The following MAP4K1 variants were observed in gnomAD, a reference collection of about 807,000 sequenced individuals.
MAP4K1 encodes MAPK/ERK kinase kinase kinase 1.
Under a neutral mutation model 122.8 loss-of-function variants are expected in MAP4K1, and 35 were observed. The observed-to-expected ratio is 0.29, with a 90% confidence interval of 0.22 to 0.38. The LOEUF (loss-of-function observed/expected upper bound fraction) is 0.38. MAP4K1 is among the 10% of genes least tolerant of loss of function. MAP4K1 has a pLI of 1.00. For synonymous variants in MAP4K1, 412 were observed against 421.3 expected, an observed-to-expected ratio of 0.98 and a Z score of 0.27; for missense variants, 791 against 1,072.6, an observed-to-expected ratio of 0.74 and a Z score of 3.67.
intron 4 of MAP4K1, among the ~76,000 whole-genome samples, chr19:38,615,218 G>A (rs985949595): frequency 8.6e-5 from 13 of 151,790 alleles, no homozygotes; most frequent in African/African-American, 3.1e-4. Context: ...AGCAGCAAAG[G>A]GGGTGGGGTG....
chr19:38,603,263 T>C (rs1975204330), intron 19 of MAP4K1, among the ~76,000 whole-genome samples: 1 of 148,870 alleles, frequency 6.7e-6, no homozygotes, highest in Admixed American at 6.7e-5. Flanking sequence ...TATATACGCA[T>C]ATACATATAT....
At chr19:38,588,925 A>G (rs1225351568) in intron 30 of MAP4K1, among the ~76,000 whole-genome samples, 1 of 151,378 alleles carries the variant, frequency 6.6e-6, no homozygotes, top group Non-Finnish European at 1.5e-5. Flanking sequence ...TCTCATAAAT[A>G]AATAAATAAA....
chr19:38,609,807 G>C, intron 12 of MAP4K1, 102 bp downstream of exon 12: 1 of 1,319,992 alleles, frequency 7.6e-7, no homozygotes, highest in Non-Finnish European at 1.1e-6. Context: ...CTCCCTCCCT[G>C]TTTTCCCCCT....
intron 16 of MAP4K1, 91 bp from the exon 17 acceptor site, chr19:38,606,306 G>A: frequency 1.6e-6 from 1 of 639,752 alleles, no homozygotes; most frequent in Non-Finnish European, 2.8e-6. Flanking sequence ...GCCCGGGACT[G>A]GGGTCTGAGG....
chr19:38,602,510 G>A (rs546819551), intron 19 of MAP4K1, among the ~76,000 whole-genome samples: 139 of 138,144 alleles, frequency 1.0e-3, no homozygotes, highest in Non-Finnish European at 1.8e-3. Flanking sequence ...ATATACACGT[G>A]TACATATATA....
intron 10 of MAP4K1, 45 bp downstream of exon 10, chr19:38,611,198 C>T: frequency 1.9e-6 from 3 of 1,603,564 alleles, no homozygotes; most frequent in Non-Finnish European, 2.6e-6. Context: ...CCACCCAGCC[C>T]CAGCCCTGCC....
chr19:38,607,309 G>A (rs1422316874), intron 16 of MAP4K1, among the ~76,000 whole-genome samples: 2 of 151,848 alleles, frequency 1.3e-5, no homozygotes, highest in African/African-American at 2.4e-5. Flanking sequence ...ACCTGTAATC[G>A]CAGCACTTTG....
At chr19:38,588,211 C>T (rs3848621) in intron 30 of MAP4K1, among the ~76,000 whole-genome samples, 186 of 152,230 alleles carry the variant, frequency 1.2e-3, no homozygotes, top group Middle Eastern at 3.4e-3. Flanking sequence ...CTGGAGATGT[C>T]ATGGCCTTGT....
In MAP4K1 at chr19:38,607,810, G is replaced by A. The variant is rs1036393531; in HGVS notation, c.1157+54C>T. 2.0e-5 allele frequency: 32 copies of A among 1,583,448 alleles called. No homozygotes were observed. In the East Asian group the frequency reaches 7.2e-4, roughly 36 times the overall value. ...GGAAAGGCCACATCAGGGGATTGTA[G>A]GAAGGTGGGGGCTGAGGTGGGGCCT... On this transcript the variant is annotated intron_variant, in intron 16 of 30. Coordinates refer to ENST00000396857, the MANE Select transcript of MAP4K1 (RefSeq NM_001042600.3).
chr19:38,614,348 A>G (rs1423646625), intron 5 of MAP4K1, 42 bp downstream of exon 5: 3 of 1,612,748 alleles, frequency 1.9e-6, no homozygotes, highest in East Asian at 2.2e-5. Flanking sequence ...GAGTGGGGCC[A>G]CCCTCCCCTC....
chr19:38,594,469 G>A (rs146650427), intron 29 of MAP4K1, among the ~76,000 whole-genome samples: 1,634 of 152,080 alleles, frequency 0.011, 21 homozygotes, highest in African/African-American at 0.015. Context: ...ACAAAACCCC[G>A]TCTCTACTAA....
intron 11 of MAP4K1, 22 bp from the exon 12 acceptor site, chr19:38,610,047 C>T (rs373730870): frequency 5.7e-5 from 88 of 1,548,906 alleles, no homozygotes; most frequent in African/African-American, 1.4e-4. Flanking sequence ...AAGAGGTGTC[C>T]GTATCCAGAG....
chr19:38,595,848 A>G (rs944645430), intron 27 of MAP4K1, 91 bp downstream of exon 27: 2 of 1,510,558 alleles, frequency 1.3e-6, no homozygotes, highest in Non-Finnish European at 1.8e-6. Context: ...AGAGGGGCTC[A>G]GGGGGTTCTG....
chr19:38,591,041 G>A (rs1439463174), intron 30 of MAP4K1, among the ~76,000 whole-genome samples: 1 of 151,278 alleles, frequency 6.6e-6, no homozygotes, highest in African/African-American at 2.4e-5. Flanking sequence ...AGAAAGAGAA[G>A]AGGCCGGGCA....
In MAP4K1 at chr19:38,609,650, TCCG is replaced by T; in HGVS notation, c.949_951del (p.Arg317del). 4.3e-6 allele frequency: 7 copies of T among 1,613,532 alleles called. No homozygotes were observed. The highest frequency in any genetic ancestry group is 5.9e-6 in the Non-Finnish European group (7 of 1,179,776). On this transcript the variant is annotated inframe_deletion, in exon 13 of 31. Coordinates refer to ENST00000396857, the MANE Select transcript of MAP4K1 (RefSeq NM_001042600.3). ...GAGCTGGAGCGGTGGGTGGATCTGATCCGCCGAGGGATAGCAGGGGGTAGCTGG... is the reference window on the plus strand; with the variant it reads ...GAGCTGGAGCGGTGGGTGGATCTGATCCGAGGGATAGCAGGGGGTAGCTGG...
In MAP4K1 at chr19:38,617,281, T is replaced by G; in HGVS notation, c.248+73A>C. On this transcript the variant is annotated intron_variant, in intron 3 of 30. Transcript: ENST00000396857. This position sits in a 1 kb window ranked among gnomAD's most constrained non-coding sequence, Gnocchi z 4.1. The stretch of plus-strand genomic sequence containing the variant: ...GAAAAGAAAAAAAAAGAACTGAGGG[T>G]ACCCCCATCAAGAAATGGGGACTCC... 4 of 954,074 alleles carry G rather than the reference T, an allele frequency of 4.2e-6. No homozygotes were observed. Among genetic ancestry groups the G allele is most frequent in the Non-Finnish European group, 6.9e-6 (4 of 581,182 alleles). The allele number at this position is 954,074 out of a possible 1,614,324, so 59.1% of individuals were successfully genotyped here. A position where few individuals can be genotyped will look rare whatever the true frequency, so the allele number is the denominator to read the frequency against.
Position 38,609,924 on chromosome 19 carries a change from C to T in MAP4K1, c.912G>A (p.Glu304=), listed in dbSNP as rs776310063. The change falls in exon 12 of 31, where the codon GAG becomes GAA. Residue 304 remains glutamate (E), a synonymous_variant. Transcript: ENST00000396857. ...AGGCTCTCACCTCGGGCTCCTCATCCTCAATGTCCCCAATGGAGGGTCCTT... is the reference window on the plus strand; with the variant it reads ...AGGCTCTCACCTCGGGCTCCTCATCTTCAATGTCCCCAATGGAGGGTCCTT... ...PGKGPSIGDI[E]DEEPELPPAI... 4 of 1,614,082 alleles carry T rather than the reference C, an allele frequency of 2.5e-6. No individual in the cohort carries two copies. The Admixed American group carries it at 6.7e-5, about 27-fold the overall frequency.
rs114552847 is a variant in MAP4K1 at position 38,594,361 on chromosome 19, C to T, written c.2341-1024G>A. Among the ~76,000 whole-genome samples, 732 of 152,164 alleles carry T rather than the reference C, an allele frequency of 4.8e-3. 3 individuals carry two copies. The highest frequency in any genetic ancestry group is 0.017 in the African/African-American group (694 of 41,502). On this transcript the variant is annotated intron_variant, in intron 29 of 30. Transcript: ENST00000396857. ...GACCCTATCTCCAAAACAAACAGGC[C>T]GGGTGAAGTAGCTCACGCCTGTACT...
At chr19:38,616,117 C>T (rs868654438) in intron 4 of MAP4K1, 78 bp downstream of exon 4, 42 of 1,016,412 alleles carry the variant, frequency 4.1e-5, no homozygotes, top group Middle Eastern at 2.8e-4. Context: ...CACACAGAGA[C>T]GGAAGAGGTG....
Sources: gnomAD v4.1 joint callset for allele counts (sites outside exome capture counted in the v4.1 genomes callset) on GRCh38, gnomAD v4.1.1 for gene constraint, Gnocchi (gnomAD v3.1) non-coding constraint, MANE v1.5 for transcripts, NCBI Gene and HGNC (gene_info 2026-07-23, HGNC 2026-07-21) for gene names.